The following RACGAP1 variants were observed in gnomAD, a reference collection of about 807,000 sequenced individuals.
RACGAP1 encodes Rac GTPase activating protein 1, also known as rac GTPase-activating protein 1.
Under a neutral mutation model 78.1 loss-of-function variants are expected in RACGAP1, and 30 were observed. The observed-to-expected ratio is 0.38, with a 90% confidence interval of 0.29 to 0.52. RACGAP1 has a LOEUF of 0.52. RACGAP1 is among the 20% of genes least tolerant of loss of function. The probability of loss-of-function intolerance (pLI) is 0.82; values close to 1 mark genes in which losing one functional copy is unlikely to be tolerated. For synonymous variants in RACGAP1, 231 were observed against 264.8 expected (o/e 0.87, Z 1.24); for missense variants, 587 against 777.1 (o/e 0.76, Z 2.91).
In RACGAP1 at chr12:50,002,306, G is replaced by T. The variant is rs748411130; in HGVS notation, c.496-6C>A. 6.2e-7 allele frequency: 1 copy of T among 1,612,048 alleles called. No homozygotes were observed. Among genetic ancestry groups the T allele is most frequent in the Admixed American group, 1.7e-5 (1 of 59,808 alleles). On this transcript the variant is annotated splice_polypyrimidine_tract_variant and splice_region_variant and intron_variant, in intron 5 of 16. Transcript: ENST00000312377. The stretch of plus-strand genomic sequence containing the variant: ...ACCAAAGAAGAGTCCCAATCCTGTT[G>T]ACAATTACACTGTATTAATTTCTTT...
intron 7 of RACGAP1, 137 bp from the exon 8 acceptor site, chr12:49,999,870 G>T: frequency 1.5e-6 from 1 of 665,496 alleles, no homozygotes; most frequent in Non-Finnish European, 2.6e-6. Context: ...TTTTTTTTGA[G>T]ACAGAGTTTT....
chr12:49,999,760 GACAA>G (rs573733062), intron 7 of RACGAP1, 27 bp from the exon 8 acceptor site: 116 of 1,534,710 alleles, frequency 7.6e-5, no homozygotes, highest in Non-Finnish European at 9.1e-5. Context: ...AATGAGGAAA[GACAA>G]ACAAAGAATC....
chr12:49,997,248 A>T (rs922054471), intron 9 of RACGAP1, 44 bp from the exon 10 acceptor site: 1 of 1,439,322 alleles, frequency 6.9e-7, no homozygotes, highest in African/African-American at 1.5e-5. Context: ...TATGAATTAG[A>T]AAATTATCAT....
intron 2 of RACGAP1, among the ~76,000 whole-genome samples, chr12:50,031,059 C>T (rs971193572): frequency 3.3e-5 from 5 of 151,498 alleles, no homozygotes; most frequent in African/African-American, 4.9e-5. Context: ...GGATTACAGA[C>T]GCCACCGCGC....
intron 12 of RACGAP1, 21 bp from the exon 13 acceptor site, chr12:49,992,676 C>T: frequency 6.3e-7 from 1 of 1,591,514 alleles, no homozygotes; most frequent in African/African-American, 1.3e-5. Context: ...AAAGAAAGCA[C>T]CAAGAGGCCT....
chr12:50,002,354 C>T, intron 5 of RACGAP1, 54 bp from the exon 6 acceptor site: 1 of 1,467,964 alleles, frequency 6.8e-7, no homozygotes, highest in Non-Finnish European at 9.4e-7. Flanking sequence ...CATCCCTAAA[C>T]CCTGTGCAAA....
chr12:49,998,906 A>G (rs1948477893), intron 9 of RACGAP1, among the ~76,000 whole-genome samples: 2 of 152,114 alleles, frequency 1.3e-5, no homozygotes, highest in Non-Finnish European at 2.9e-5. Context: ...TCAAATTAAA[A>G]AAAAAAAAGT....
chr12:50,013,843 G>A (rs1365817560), intron 2 of RACGAP1, among the ~76,000 whole-genome samples: 1 of 152,174 alleles, frequency 6.6e-6, no homozygotes, highest in African/African-American at 2.4e-5. Context: ...TAGAAGCCCT[G>A]ATAGGTTCTC....
intron 2 of RACGAP1, among the ~76,000 whole-genome samples, chr12:50,016,338 C>T (rs1434137128): frequency 2.0e-5 from 3 of 151,832 alleles, no homozygotes; most frequent in South Asian, 2.1e-4. Flanking sequence ...GCCGAGATGT[C>T]GCCACTGCAC....
intron 1 of RACGAP1, among the ~76,000 whole-genome samples, chr12:50,019,514 G>A (rs964838827): frequency 9.9e-5 from 15 of 152,048 alleles, no homozygotes; most frequent in African/African-American, 3.4e-4. Context: ...CAACATCAAC[G>A]TGTAATATAG....
intron 2 of RACGAP1, among the ~76,000 whole-genome samples, chr12:50,012,936 G>A (rs1458608326): frequency 1.3e-5 from 2 of 149,046 alleles, no homozygotes; most frequent in Non-Finnish European, 3.0e-5. Flanking sequence ...GGTGGTGCAT[G>A]CCTGTAATCC....
intron 3 of RACGAP1, 125 bp from the exon 4 acceptor site, chr12:50,005,517 G>C (rs756228179): frequency 1.9e-5 from 20 of 1,051,684 alleles, no homozygotes; most frequent in Non-Finnish European, 2.7e-5. Flanking sequence ...CTTCAGGAAG[G>C]CTGCTACACC....
In RACGAP1 at chr12:49,992,237, C is replaced by T. The variant is rs1947940319; in HGVS notation, c.1578+8G>A. 6.2e-7 allele frequency: 1 copy of T among 1,614,056 alleles called. No individual in the cohort carries two copies. Among genetic ancestry groups the T allele is most frequent in the Non-Finnish European group, 8.5e-7 (1 of 1,179,944 alleles). On this transcript the variant is annotated splice_region_variant and intron_variant, in intron 14 of 16. Coordinates refer to ENST00000312377, the MANE Select transcript of RACGAP1 (RefSeq NM_001319999.2). The stretch of plus-strand genomic sequence containing the variant: ...AGTTCACATACACACACACACGCAC[C>T]TGCCTACCTTGGGTTGACGCTTGAT...
At chr12:49,999,862 T>C in intron 7 of RACGAP1, 129 bp from the exon 8 acceptor site, 1 of 685,404 alleles carries the variant, frequency 1.5e-6, no homozygotes, top group East Asian at 2.8e-5. Flanking sequence ...CTGATACTTT[T>C]TTTTTGAGAC....
rs1747316880 is a variant in RACGAP1, at chr12:49,990,107, GAT to G, written c.*159_*160del. On this transcript the variant is annotated 3_prime_UTR_variant, in exon 17 of 17. Coordinates refer to ENST00000312377, the MANE Select transcript of RACGAP1 (RefSeq NM_001319999.2). ...TGTGACTTGAGGAGAAGGAAGGGGA[GAT>G]ATATATAGTTTTAATAAAACCCTCA... The G allele has an allele frequency of 1.9e-5, 10 of 531,380 alleles. No homozygotes were observed. Among genetic ancestry groups the G allele is most frequent in the Admixed American group, 1.5e-4 (5 of 32,396 alleles). The allele number at this position is 531,380 out of a possible 1,614,324, so 32.9% of individuals were successfully genotyped here. A position where few individuals can be genotyped will look rare whatever the true frequency, so the allele number is the denominator to read the frequency against.
At position 50,002,210 on chromosome 12, in the gene RACGAP1, CT is replaced by C. The variant is rs778409087; in HGVS notation, c.549+36del. On this transcript the variant is annotated intron_variant, in intron 6 of 16. Transcript: ENST00000312377. Reference sequence around the variant, plus strand: ...ATTTCCAAAAATAACTCCATTATTACTTTGTTTTAAAAAAAGACTAAACAAA... The same window carrying C: ...ATTTCCAAAAATAACTCCATTATTACTTGTTTTAAAAAAAGACTAAACAAA... 4.4e-6 allele frequency: 7 copies of C among 1,588,538 alleles called. No individual in the cohort carries two copies. In the African/African-American group the frequency reaches 8.1e-5, roughly 18 times the overall value.
At chr12:49,999,783 CCTCCA>C in intron 7 of RACGAP1, 50 bp from the exon 8 acceptor site, 13 of 1,409,596 alleles carry the variant, frequency 9.2e-6, no homozygotes, top group Non-Finnish European at 1.3e-5. Flanking sequence ...TCTAACTTAC[CCTCCA>C]CTATAGGGTA....
In RACGAP1 at chr12:50,024,802, G is replaced by A. The variant is rs1950197129; in HGVS notation, c.-5+596C>T. 4.7e-5 allele frequency among the ~76,000 whole-genome samples: 7 copies of A among 150,086 alleles called. No homozygotes were observed. The South Asian group carries it at 1.3e-3, about 27-fold the overall frequency. On this transcript the variant is annotated intron_variant, in intron 1 of 16. Coordinates refer to ENST00000312377, the MANE Select transcript of RACGAP1 (RefSeq NM_001319999.2). Reference sequence around the variant, plus strand: ...GATAATGCTTTCTTAAAAAAAAAAAGGGCTTATCTACCCACCTACCCCCAC... The same window carrying A: ...GATAATGCTTTCTTAAAAAAAAAAAAGGCTTATCTACCCACCTACCCCCAC...
In RACGAP1 at chr12:50,032,536, AGTGT is replaced by A. The variant is rs60239235; in HGVS notation, c.-195+430_-195+433del. On this transcript the variant is annotated intron_variant, in intron 1 of 3. Coordinates refer to the RACGAP1 transcript ENST00000548247. ...CGAGAAGGCAGCAAAGGAAAAGGTGAGTGTGTGTGTGTGTGTGTGTGTGTGTGTG... is the reference window on the plus strand; with the variant it reads ...CGAGAAGGCAGCAAAGGAAAAGGTGAGTGTGTGTGTGTGTGTGTGTGTGTG... 3.9e-3 allele frequency among the ~76,000 whole-genome samples: 575 copies of A among 146,624 alleles called. 3 individuals carry two copies. Among genetic ancestry groups the A allele is most frequent in the African/African-American group, 0.01 (406 of 39,106 alleles).
Sources: gnomAD v4.1 joint callset for allele counts (sites outside exome capture counted in the v4.1 genomes callset) on GRCh38, gnomAD v4.1.1 for gene constraint, MANE v1.5 for transcripts, NCBI Gene and HGNC (gene_info 2026-07-23, HGNC 2026-07-21) for gene names.